Variants in PLXDC2 observed in about 807,000 individuals in gnomAD.
PLXDC2 encodes plexin domain-containing protein 2.
In PLXDC2, 40 loss-of-function variants were observed where a neutral mutation model predicts 68.9. The ratio of observed to expected loss-of-function variants is 0.58; its 90% CI spans 0.45 to 0.76. The LOEUF is 0.76. PLXDC2 is among the 30% of genes least tolerant of loss of function. The probability of loss-of-function intolerance (pLI) is 0.00; values close to 1 mark genes in which losing one functional copy is unlikely to be tolerated. For missense variants in PLXDC2, 644 were observed against 661.9 expected (o/e 0.97, Z 0.30); for synonymous variants, 243 against 234.2 (o/e 1.04, Z -0.34).
intron 2 of PLXDC2, among the ~76,000 whole-genome samples, chr10:20,043,784 C>T (rs997815050): frequency 2.6e-5 from 4 of 151,532 alleles, no homozygotes; most frequent in African/African-American, 9.7e-5. Context: ...TATACCATTC[C>T]CTGAAAAATT....
At chr10:20,279,431 C>A (rs924592577) in intron 13 of PLXDC2, among the ~76,000 whole-genome samples, 1 of 151,986 alleles carries the variant, frequency 6.6e-6, no homozygotes, top group Admixed American at 6.6e-5. Flanking sequence ...AGGCATTAAA[C>A]CTTGCTTGGG....
At position 19,941,192 on chromosome 10, in the gene PLXDC2, GT is replaced by G. The variant is rs1387340624; in HGVS notation, c.113-60582del. Among the ~76,000 whole-genome samples, 4 of 152,306 alleles carry G rather than the reference GT, an allele frequency of 2.6e-5. No homozygotes were observed. The South Asian group carries it at 8.3e-4, about 32-fold the overall frequency. ...CTTCCCAGAGAATAGACATTTTCAA[GT>G]AACTGGATGTGCAAAAGGCAGTACC... On this transcript the variant is annotated intron_variant, in intron 1 of 13. Coordinates refer to ENST00000377252, the MANE Select transcript of PLXDC2 (RefSeq NM_032812.9).
At chr10:20,013,039 A>G (rs1428449621) in intron 2 of PLXDC2, among the ~76,000 whole-genome samples, 3 of 152,220 alleles carry the variant, frequency 2.0e-5, no homozygotes, top group Non-Finnish European at 4.4e-5. Context: ...TTTGGCTTTT[A>G]TAAGTAATTT....
chr10:19,909,097 A>C (rs1372905460), intron 1 of PLXDC2, among the ~76,000 whole-genome samples: 1 of 152,188 alleles, frequency 6.6e-6, no homozygotes, highest in Non-Finnish European at 1.5e-5. Flanking sequence ...TCATGAATTT[A>C]GATAGTGTGA....
intron 13 of PLXDC2, among the ~76,000 whole-genome samples, chr10:20,264,573 T>C (rs1316510928): frequency 6.6e-6 from 1 of 151,430 alleles, no homozygotes; most frequent in Non-Finnish European, 1.5e-5. Context: ...CAAATTAACA[T>C]TAGAACAACC....
At chr10:20,120,609 C>T (rs1344363205) in intron 4 of PLXDC2, among the ~76,000 whole-genome samples, 2 of 152,086 alleles carry the variant, frequency 1.3e-5, no homozygotes, top group Admixed American at 6.6e-5. Context: ...TCTACCTATC[C>T]AGTGAAAGTG....
At chr10:20,115,251 G>A (rs556088294) in intron 4 of PLXDC2, among the ~76,000 whole-genome samples, 19 of 152,224 alleles carry the variant, frequency 1.2e-4, no homozygotes, top group Non-Finnish European at 1.8e-4. Context: ...GATAGCAAAG[G>A]CCACTTGAGA....
intron 1 of PLXDC2, among the ~76,000 whole-genome samples, chr10:19,913,472 A>G (rs1236906759): frequency 6.6e-6 from 1 of 152,190 alleles, no homozygotes; most frequent in African/African-American, 2.4e-5. Context: ...ATACCGGACT[A>G]ATACCCTCAG....
At chr10:20,276,859 C>G (rs1836013058) in intron 13 of PLXDC2, among the ~76,000 whole-genome samples, 1 of 152,048 alleles carries the variant, frequency 6.6e-6, no homozygotes, top group Admixed American at 6.6e-5. Context: ...CCATCCAAGC[C>G]CTTCCCCGTA....
chr10:20,245,582 A>G, intron 13 of PLXDC2, 77 bp downstream of exon 13: 3 of 1,444,540 alleles, frequency 2.1e-6, no homozygotes, highest in Non-Finnish European at 2.8e-6. Flanking sequence ...CCTGGATTTA[A>G]TATTTACCAC....
Position 19,879,605 on chromosome 10 carries a change from G to A in PLXDC2, c.112+62414G>A, listed in dbSNP as rs1389030225. Among the ~76,000 whole-genome samples, 3 of 152,302 alleles carry A rather than the reference G, an allele frequency of 2.0e-5. No homozygotes were observed. The East Asian group carries it at 5.8e-4, about 29-fold the overall frequency. ...AGGCCTTGCATTGCAGACTGAGACG[G>A]TTGTATTGACTTGGCAGGTAGTGGG... On this transcript the variant is annotated intron_variant, in intron 1 of 13. Transcript: ENST00000377252.
chr10:20,136,071 C>T (rs1288086710), intron 4 of PLXDC2, among the ~76,000 whole-genome samples: 5 of 152,110 alleles, frequency 3.3e-5, no homozygotes, highest in Non-Finnish European at 7.4e-5. Flanking sequence ...TAGTTTTCTT[C>T]CTAGGAACCA....
At position 19,903,905 on chromosome 10, in the gene PLXDC2, A is replaced by AT. The variant is rs546385078; in HGVS notation, c.112+86721dup. Among the ~76,000 whole-genome samples the AT allele has an allele frequency of 2.6e-4, 40 of 151,980 alleles. No individual in the cohort carries two copies. The South Asian group carries it at 3.7e-3, about 14-fold the overall frequency. ...GTCACTATTATCGTTCAGTTCAAAT[A>AT]TTTTTTTAATTTTTGTCTTAATTTC... On this transcript the variant is annotated intron_variant, in intron 1 of 13. Transcript: ENST00000377252.
chr10:20,233,555 A>T (rs1835392645), intron 12 of PLXDC2, among the ~76,000 whole-genome samples: 1 of 152,186 alleles, frequency 6.6e-6, no homozygotes, highest in African/African-American at 2.4e-5. Context: ...CCCATTTTAC[A>T]CTTGAAGTCT....
chr10:20,211,237 A>G (rs577882799), intron 9 of PLXDC2, among the ~76,000 whole-genome samples: 7 of 152,204 alleles, frequency 4.6e-5, no homozygotes, highest in African/African-American at 1.7e-4. Context: ...GTGGGTCTTG[A>G]ATGAATGAGT....
chr10:20,070,823 G>C (rs545444924), intron 4 of PLXDC2: 2 of 152,230 alleles, frequency 1.3e-5, no homozygotes, highest in Admixed American at 1.3e-4. Context: ...TTCTCAAATT[G>C]TTTTATCTTT....
chr10:19,950,250 A>C (rs115274142), intron 1 of PLXDC2, among the ~76,000 whole-genome samples: 4 of 152,324 alleles, frequency 2.6e-5, no homozygotes, highest in African/African-American at 9.6e-5. Flanking sequence ...ATATGATTCT[A>C]TTCCTAGAAA....
At chr10:19,996,219 T>C (rs1366620737) in intron 1 of PLXDC2, among the ~76,000 whole-genome samples, 1 of 152,136 alleles carries the variant, frequency 6.6e-6, no homozygotes, top group Non-Finnish European at 1.5e-5. Context: ...GGTGGGAGGA[T>C]TGCTTGGGGC....
chr10:20,232,234 T>C (rs1377141994), intron 12 of PLXDC2, among the ~76,000 whole-genome samples: 1 of 152,162 alleles, frequency 6.6e-6, no homozygotes, highest in Admixed American at 6.5e-5. Flanking sequence ...TTGATGAGGA[T>C]ATGGTGCACT....
Sources: gnomAD v4.1 joint callset for allele counts (sites outside exome capture counted in the v4.1 genomes callset) on GRCh38, gnomAD v4.1.1 for gene constraint, MANE v1.5 for transcripts, NCBI Gene and HGNC (gene_info 2026-07-23, HGNC 2026-07-21) for gene names.